Variants in PRKAG2 observed in about 807,000 individuals in gnomAD.
The protein encoded by PRKAG2 is 5'-AMP-activated protein kinase subunit gamma-2.
PRKAG2 carries 26 observed loss-of-function variants against 69.6 expected under a neutral mutation model. That is an observed-to-expected ratio of 0.37 (90% CI 0.27 to 0.52). The LOEUF is 0.52. Ranked by LOEUF, PRKAG2 falls within the 20% of genes least tolerant of loss-of-function variation. The probability of loss-of-function intolerance (pLI) is 0.90; values close to 1 mark genes in which losing one functional copy is unlikely to be tolerated. For missense variants in PRKAG2, 557 were observed against 740.0 expected, an observed-to-expected ratio of 0.75 and a Z score of 2.87; for synonymous variants, 293 against 285.0, an observed-to-expected ratio of 1.03 and a Z score of -0.28.
rs534966451 is a variant in PRKAG2 at position 151,869,363 on chromosome 7, C to T, written c.114+7144G>A. On this transcript the variant is annotated intron_variant, in intron 1 of 15. Transcript: ENST00000287878. ...TCCACAAAGAGGTACCAGGACCAAGCGCGAATAGGGCAGCGGGGGCTAGAT... is the reference window on the plus strand; with the variant it reads ...TCCACAAAGAGGTACCAGGACCAAGTGCGAATAGGGCAGCGGGGGCTAGAT... Among the ~76,000 whole-genome samples, 23 of 152,280 alleles carry T rather than the reference C, an allele frequency of 1.5e-4. No homozygotes were observed. In the East Asian group the frequency reaches 1.5e-3, roughly 10 times the overall value.
At chr7:151,664,030 C>T (rs890865128) in intron 4 of PRKAG2, among the ~76,000 whole-genome samples, 1 of 152,186 alleles carries the variant, frequency 6.6e-6, no homozygotes, top group Non-Finnish European at 1.5e-5. Context: ...AGCTGTGTGC[C>T]AATAAAACTT....
intron 3 of PRKAG2, among the ~76,000 whole-genome samples, chr7:151,741,171 C>A (rs2073861391): frequency 6.6e-6 from 1 of 151,502 alleles, no homozygotes; most frequent in African/African-American, 2.4e-5. Flanking sequence ...CATGATCCTG[C>A]CACTGCACAT....
chr7:151,631,944 C>T, intron 5 of PRKAG2, 125 bp downstream of exon 5: 1 of 1,002,492 alleles, frequency 1.0e-6, no homozygotes, highest in Non-Finnish European at 1.3e-6. Context: ...GGCCCCTGGG[C>T]TTCCGCAGGA....
At chr7:151,569,270 A>C (rs1378671304) in intron 10 of PRKAG2, among the ~76,000 whole-genome samples, 3 of 152,230 alleles carry the variant, frequency 2.0e-5, no homozygotes, top group Non-Finnish European at 2.9e-5. Flanking sequence ...CCTGAGCTTA[A>C]GCGATCCACC....
At chr7:151,711,351 A>G (rs1020156085) in intron 3 of PRKAG2, among the ~76,000 whole-genome samples, 2 of 148,590 alleles carry the variant, frequency 1.3e-5, no homozygotes, top group African/African-American at 5.2e-5. Flanking sequence ...AGTACTGAGG[A>G]TGCTAGGCTG....
chr7:151,678,872 T>A (rs112477514), intron 3 of PRKAG2, among the ~76,000 whole-genome samples: 4,888 of 151,926 alleles, frequency 0.032, 229 homozygotes, highest in East Asian at 0.24. Context: ...GGCAGGAGAA[T>A]CGCTTGAACC....
chr7:151,825,033 G>A (rs1361014804), intron 1 of PRKAG2, among the ~76,000 whole-genome samples: 2 of 141,034 alleles, frequency 1.4e-5, no homozygotes, highest in East Asian at 2.2e-4. Context: ...CCAACATGGT[G>A]AAACCCCGTC....
At chr7:151,590,369 C>T (rs1424517804) in intron 6 of PRKAG2, among the ~76,000 whole-genome samples, 2 of 152,180 alleles carry the variant, frequency 1.3e-5, no homozygotes, top group Non-Finnish European at 2.9e-5. Context: ...CATAACTCTG[C>T]GGGGTGTGGA....
chr7:151,659,245 T>A (rs969131955), intron 4 of PRKAG2, among the ~76,000 whole-genome samples: 14 of 152,266 alleles, frequency 9.2e-5, no homozygotes, highest in South Asian at 2.1e-4. Flanking sequence ...TTAAAAAAAA[T>A]TTGTGTTTGT....
chr7:151,786,352 C>G (rs2077005634), intron 2 of PRKAG2, 118 bp downstream of exon 2: 2 of 985,624 alleles, frequency 2.0e-6, no homozygotes, highest in Non-Finnish European at 3.1e-6. Flanking sequence ...GCCAGGTGTG[C>G]AAGCGGACAT....
At chr7:151,709,781 G>A (rs1377069274) in intron 3 of PRKAG2, among the ~76,000 whole-genome samples, 6 of 152,156 alleles carry the variant, frequency 3.9e-5, no homozygotes, top group African/African-American at 7.2e-5. Context: ...ACTGTGACAC[G>A]GAGTGATGTG....
chr7:151,827,908 G>A (rs930173645), intron 1 of PRKAG2, among the ~76,000 whole-genome samples: 2 of 152,132 alleles, frequency 1.3e-5, no homozygotes, highest in East Asian at 1.9e-4. Flanking sequence ...GGATGTGGGC[G>A]CTTCCCTGGG....
chr7:151,677,209 G>A (rs10046471), intron 3 of PRKAG2, among the ~76,000 whole-genome samples: 22,755 of 151,914 alleles, frequency 0.15, 1,855 homozygotes, highest in South Asian at 0.21. Context: ...TTTTGAGACA[G>A]AGTTTTCACT....
intron 1 of PRKAG2, among the ~76,000 whole-genome samples, chr7:151,806,228 AATCCCTGT>A (rs2078094471): frequency 6.6e-6 from 1 of 152,226 alleles, no homozygotes; most frequent in Non-Finnish European, 1.5e-5. Flanking sequence ...GACAGAGAAA[AATCCCTGT>A]AAACTTCAAG....
rs193192450 is a variant in PRKAG2 at position 151,601,764 on chromosome 7, C to G, written c.755-6310G>C. ...TGGATGAGACAGGATTCTGGTGAGG[C>G]ACCCGCAGCATCCACTGTGCGAGAG... On this transcript the variant is annotated intron_variant, in intron 5 of 15. Transcript: ENST00000287878. 1.9e-3 allele frequency among the ~76,000 whole-genome samples: 282 copies of G among 152,328 alleles called. 1 individual carries two copies. The highest frequency in any genetic ancestry group is 6.8e-3 in the Middle Eastern group (2 of 294).
At chr7:151,734,893 C>T (rs1342040220) in intron 3 of PRKAG2, among the ~76,000 whole-genome samples, 7 of 122,608 alleles carry the variant, frequency 5.7e-5, no homozygotes, top group East Asian at 2.3e-4. Context: ...CTTGCTCTGT[C>T]GCCCAGGCTG....
At chr7:151,564,025 G>T in intron 14 of PRKAG2, 53 bp downstream of exon 14, 1 of 1,611,264 alleles carries the variant, frequency 6.2e-7, no homozygotes, top group South Asian at 1.1e-5. Flanking sequence ...ATTCACTACT[G>T]GGGACTTGTT....
At chr7:151,773,144 G>A (rs2076161932) in intron 3 of PRKAG2, among the ~76,000 whole-genome samples, 1 of 141,382 alleles carries the variant, frequency 7.1e-6, no homozygotes, top group Admixed American at 7.1e-5. Flanking sequence ...AAGAAGGGAA[G>A]AAAGGAAGGA....
At position 151,557,490 on chromosome 7, in the gene PRKAG2, T is replaced by C. The variant is rs6945103; in HGVS notation, c.1679-258A>G. On this transcript the variant is annotated intron_variant, in intron 15 of 15. Coordinates refer to ENST00000287878, the MANE Select transcript of PRKAG2 (RefSeq NM_016203.4). ...AAAACAAAAAAAAAGAATTCCACTC[T>C]TAAAAAATTTTACTAAGAAATATGT... 0.76 allele frequency: 748,149 copies of C among 984,712 alleles called. 284,830 individuals carry two copies. Among genetic ancestry groups the C allele is most frequent in the East Asian group, 0.99 (8,685 of 8,814 alleles). 61.0% of individuals were successfully genotyped at this position (984,712 alleles called of 1,614,324 possible).
Sources: gnomAD v4.1 joint callset for allele counts (sites outside exome capture counted in the v4.1 genomes callset) on GRCh38, gnomAD v4.1.1 for gene constraint, MANE v1.5 for transcripts, NCBI Gene and HGNC (gene_info 2026-07-23, HGNC 2026-07-21) for gene names.